NBAS: variants seen among roughly 807,000 people sequenced by gnomAD.
The protein encoded by NBAS is NAG/BC035112 fusion.
In NBAS, 219 loss-of-function variants were observed where a neutral mutation model predicts 302.5. That is an observed-to-expected ratio of 0.72 (90% CI 0.65 to 0.81). NBAS has a LOEUF of 0.81. NBAS is among the 30% of genes least tolerant of loss of function. NBAS has a pLI of 0.00. For synonymous variants in NBAS, 1,118 were observed against 1,021.6 expected (o/e 1.09, Z -1.80); for missense variants, 2,932 against 2,841.6 (o/e 1.03, Z -0.72).
intron 21 of NBAS, among the ~76,000 whole-genome samples, chr2:15,438,941 T>C (rs1381009116): frequency 6.6e-6 from 1 of 152,166 alleles, no homozygotes; most frequent in African/African-American, 2.4e-5. Context: ...TCAGCCAGAA[T>C]ACGAAAAACT....
the NBAS span, among the ~76,000 whole-genome samples, chr2:15,158,104 C>G: frequency 6.6e-6 from 1 of 152,162 alleles, no homozygotes; most frequent in Non-Finnish European, 1.5e-5. Flanking sequence ...TTCCAATGAC[C>G]TTATTCCCTT....
chr2:15,435,788 G>A (rs971372637), intron 21 of NBAS, among the ~76,000 whole-genome samples: 4 of 151,980 alleles, frequency 2.6e-5, no homozygotes, highest in Middle Eastern at 3.2e-3. Flanking sequence ...TTAATCTTTC[G>A]ATAGTATATA....
chr2:15,214,814 T>C (rs1335517315), intron 48 of NBAS, among the ~76,000 whole-genome samples: 1 of 152,198 alleles, frequency 6.6e-6, no homozygotes, highest in Non-Finnish European at 1.5e-5. Context: ...AAAGAAGGGT[T>C]AATATGTCCC....
chr2:15,148,985 CT>C, the NBAS span, among the ~76,000 whole-genome samples: 4 of 151,900 alleles, frequency 2.6e-5, no homozygotes, highest in African/African-American at 9.7e-5. Flanking sequence ...TTTAAAAAAC[CT>C]TTTGATATTT....
chr2:14,869,292 C>A, the NBAS span, among the ~76,000 whole-genome samples: 3 of 152,078 alleles, frequency 2.0e-5, no homozygotes, highest in East Asian at 5.8e-4. Context: ...CTAGAGCAAC[C>A]ATCAACCACA....
intron 13 of NBAS, among the ~76,000 whole-genome samples, chr2:15,476,755 A>C (rs1248507999): frequency 6.6e-6 from 1 of 152,194 alleles, no homozygotes; most frequent in East Asian, 1.9e-4. Context: ...ATGGTTCACC[A>C]AACTAAGGCA....
intron 21 of NBAS, among the ~76,000 whole-genome samples, chr2:15,456,831 T>C (rs1243756388): frequency 6.6e-6 from 1 of 152,110 alleles, no homozygotes; most frequent in African/African-American, 2.4e-5. Context: ...GAATTTTAAA[T>C]AGGAAGGCCA....
chr2:14,894,886 G>A, the NBAS span, among the ~76,000 whole-genome samples: 4 of 152,026 alleles, frequency 2.6e-5, no homozygotes, highest in South Asian at 2.1e-4. Context: ...GTGAAACTCC[G>A]TCTCTACCAA....
In NBAS at chr2:15,330,641, C is replaced by G. The variant is rs1672287614; in HGVS notation, c.4304G>C (p.Gly1435Ala). 6.2e-7 allele frequency: 1 copy of G among 1,613,984 alleles called. No individual in the cohort carries two copies. Among genetic ancestry groups the G allele is most frequent in the African/African-American group, 1.3e-5 (1 of 75,032 alleles). Residue 1435 changes from glycine to alanine, a missense_variant, in exon 36 of 52, where the codon GGG (glycine) becomes GCG (alanine). Transcript: ENST00000281513. ...AGTTAAAGACTTCTTCCACCACTGCCCATCACTGACGGCCTGCAGCACCGC... is the reference window on the plus strand; with the variant it reads ...AGTTAAAGACTTCTTCCACCACTGCGCATCACTGACGGCCTGCAGCACCGC... ...TKAVLQAVSD[G>A]QWWKKSLTYL...
chr2:15,345,961 A>C (rs1199692536), intron 35 of NBAS, among the ~76,000 whole-genome samples: 1 of 152,216 alleles, frequency 6.6e-6, no homozygotes, highest in African/African-American at 2.4e-5. Flanking sequence ...ATATGAGGAA[A>C]ACTGAAACTG....
At chr2:15,119,319 T>A in the NBAS span, among the ~76,000 whole-genome samples, 2 of 144,126 alleles carry the variant, frequency 1.4e-5, no homozygotes, top group African/African-American at 5.3e-5. Context: ...TTTTTTTTTT[T>A]TTTTTTTGAG....
At chr2:15,401,320 T>C (rs1000787041) in intron 26 of NBAS, among the ~76,000 whole-genome samples, 2 of 151,764 alleles carry the variant, frequency 1.3e-5, no homozygotes, top group Admixed American at 6.6e-5. Context: ...TAGTCAGATA[T>C]GAGCCCCCCC....
At chr2:15,409,097 A>G (rs1676559892) in intron 25 of NBAS, among the ~76,000 whole-genome samples, 1 of 152,218 alleles carries the variant, frequency 6.6e-6, no homozygotes, top group South Asian at 2.1e-4. Context: ...TTTCCTTGAC[A>G]TTTAACACAT....
chr2:15,186,702 A>G, intron 50 of NBAS, 40 bp downstream of exon 50: 1 of 1,613,458 alleles, frequency 6.2e-7, no homozygotes, highest in Non-Finnish European at 8.5e-7. Context: ...CTGATAAGCA[A>G]AGGCCACTCC....
At chr2:14,854,052 C>A in the NBAS span, among the ~76,000 whole-genome samples, 2 of 146,112 alleles carry the variant, frequency 1.4e-5, no homozygotes, top group Admixed American at 6.8e-5. Flanking sequence ...TGCACATGTA[C>A]CCTAAAACTT....
downstream of NBAS, among the ~76,000 whole-genome samples, chr2:15,163,224 T>C (rs569864371): frequency 1.4e-4 from 21 of 152,214 alleles, no homozygotes; most frequent in African/African-American, 4.3e-4. Flanking sequence ...AGAAGTGGAG[T>C]TGAGAGATCC....
the NBAS span, among the ~76,000 whole-genome samples, chr2:14,920,011 G>A: frequency 5.3e-5 from 8 of 152,118 alleles, no homozygotes; most frequent in Non-Finnish European, 7.3e-5. Flanking sequence ...CTTCCAGAAC[G>A]TTTTCAATTT....
Position 15,467,320 on chromosome 2 carries a change from A to G in NBAS, c.2097+9T>C. On this transcript the variant is annotated intron_variant, in intron 19 of 51. Coordinates refer to ENST00000281513, the MANE Select transcript of NBAS (RefSeq NM_015909.4). The stretch of plus-strand genomic sequence containing the variant: ...GAACATAATTGGTTTGACAAAAATT[A>G]TTCATTACCTCATATGTTGCAAGTC... 32 of 1,468,774 alleles carry G rather than the reference A, an allele frequency of 2.2e-5. No individual in the cohort carries two copies. Among genetic ancestry groups the G allele is most frequent in the Non-Finnish European group, 3.0e-5 (31 of 1,047,664 alleles). The allele number at this position is 1,468,774 out of a possible 1,614,324, so 91.0% of individuals were successfully genotyped here. A position where few individuals can be genotyped will look rare whatever the true frequency, so the allele number is the denominator to read the frequency against.
At chr2:15,016,704 T>A in the NBAS span, among the ~76,000 whole-genome samples, 5 of 152,042 alleles carry the variant, frequency 3.3e-5, no homozygotes, top group Non-Finnish European at 5.9e-5. Context: ...GGAGGCATCA[T>A]ACTACCAGAC....
Sources: allele counts gnomAD v4.1 joint callset (sites outside exome capture counted in the v4.1 genomes callset), GRCh38; gene constraint gnomAD v4.1.1; transcripts MANE v1.5; gene names NCBI Gene and HGNC (gene_info 2026-07-23, HGNC 2026-07-21).